PCDHA5: variants seen among roughly 807,000 people sequenced by gnomAD.
The protein encoded by PCDHA5 is protocadherin alpha 5.
Under a neutral mutation model 61.6 loss-of-function variants are expected in PCDHA5, and 43 were observed. The observed-to-expected ratio is 0.70, with a 90% CI of 0.55 to 0.90. The LOEUF (loss-of-function observed/expected upper bound fraction) is 0.90. Ranked by LOEUF, PCDHA5 falls within the 40% of genes least tolerant of loss-of-function variation. The pLI is 0.00. For synonymous variants in PCDHA5, 627 were observed against 543.9 expected, an observed-to-expected ratio of 1.15 and a Z score of -2.13; for missense variants, 1,298 against 1,222.7, an observed-to-expected ratio of 1.06 and a Z score of -0.92.
chr5:140,854,297 T>C (rs1194574834), intron 1 of PCDHA5: 2 of 419,142 alleles, frequency 4.8e-6, no homozygotes, highest in Non-Finnish European at 6.4e-6. Context: ...TATTATTTTG[T>C]GCGTGGAGAT....
intron 1 of PCDHA5, among the ~76,000 whole-genome samples, chr5:140,974,321 T>C (rs2096622495): frequency 6.6e-6 from 1 of 152,226 alleles, no homozygotes; most frequent in Non-Finnish European, 1.5e-5. Context: ...AGAGAGTAGC[T>C]GCTGTGCTAG....
intron 1 of PCDHA5, chr5:140,836,467 A>C (rs1271601760): frequency 6.2e-7 from 1 of 1,613,688 alleles, no homozygotes; most frequent in Non-Finnish European, 8.5e-7. Context: ...GAGCTGGTGG[A>C]TGTCAACGTG....
At chr5:140,941,210 T>TCTTCCTTTCTTTCTTC (rs2092851427) in intron 1 of PCDHA5, among the ~76,000 whole-genome samples, 1 of 100,630 alleles carries the variant, frequency 9.9e-6, no homozygotes, top group South Asian at 2.9e-4. Context: ...TTCCTTTCTT[T>TCTTCCTTTCTTTCTTC]CTTCCTTTCT....
In PCDHA5 at chr5:141,009,984, G is replaced by A. The variant is rs782207623; in HGVS notation, c.*47G>A. 6.3e-7 allele frequency: 1 copy of A among 1,581,532 alleles called. No homozygotes were observed. Among genetic ancestry groups the A allele is most frequent in the Admixed American group, 1.9e-5 (1 of 53,968 alleles). On this transcript the variant is annotated 3_prime_UTR_variant, in exon 4 of 4. Transcript: ENST00000529859. ...CACTTAGCCAGTTTTTGTAATAATG[G>A]CAAATCTCTCCCATGTAGCAATTCC... is the stretch of plus-strand genomic sequence containing the variant.
In PCDHA5 at chr5:140,882,301, G is replaced by A. The variant is rs145574763; in HGVS notation, c.2352+58174G>A. 188 of 1,613,800 alleles carry A rather than the reference G, an allele frequency of 1.2e-4. No homozygotes were observed. In the African/African-American group the frequency reaches 2.1e-3, roughly 18 times the overall value. Reference sequence around the variant, plus strand: ...CTTCCTGGCAAGGAGGCCCAAGACCGCGGCAACTACTGCTCTGGCTTCTGA... The same window carrying A: ...CTTCCTGGCAAGGAGGCCCAAGACCACGGCAACTACTGCTCTGGCTTCTGA... On this transcript the variant is annotated intron_variant, in intron 1 of 3. Coordinates refer to ENST00000529859, the MANE Select transcript of PCDHA5 (RefSeq NM_018908.3).
At chr5:140,938,218 T>C (rs1050033125) in intron 1 of PCDHA5, among the ~76,000 whole-genome samples, 1 of 152,210 alleles carries the variant, frequency 6.6e-6, no homozygotes, top group Admixed American at 6.5e-5. Flanking sequence ...AGTGCTGGGA[T>C]TACAGGCATA....
chr5:140,849,028 T>G lies in PCDHA5; in HGVS notation c.2352+24901T>G, dbSNP rs2040749628. 5.1e-6 allele frequency: 8 copies of G among 1,583,910 alleles called. No homozygotes were observed. The highest frequency in any genetic ancestry group is 1.4e-5 in the African/African-American group (1 of 70,832). Reference sequence around the variant, plus strand: ...TACAGACTGAGCCCCAATGAGTATTTCTTCCTGGACGTGCCAACCAGCAAC... The same window carrying G: ...TACAGACTGAGCCCCAATGAGTATTGCTTCCTGGACGTGCCAACCAGCAAC... On this transcript the variant is annotated intron_variant, in intron 1 of 3. Transcript: ENST00000529859.
At chr5:140,875,884 C>T (rs531777396) in intron 1 of PCDHA5, 2 of 1,614,168 alleles carry the variant, frequency 1.2e-6, no homozygotes, top group South Asian at 2.2e-5. Flanking sequence ...AGAAAGGGAA[C>T]AAAAGGTACC....
chr5:140,961,438 A>G (rs888082906), intron 1 of PCDHA5, among the ~76,000 whole-genome samples: 2 of 152,194 alleles, frequency 1.3e-5, no homozygotes, highest in South Asian at 4.1e-4. Context: ...AAAATCACCT[A>G]ACTACACTGT....
At chr5:140,865,903 A>G (rs2049042220) in intron 1 of PCDHA5, 1 of 152,134 alleles carries the variant, frequency 6.6e-6, no homozygotes, top group Non-Finnish European at 1.5e-5. Flanking sequence ...GTACAGGCAA[A>G]TCTTTCTTTC....
At chr5:140,855,048 A>G (rs2043321235) in intron 1 of PCDHA5, among the ~76,000 whole-genome samples, 1 of 149,960 alleles carries the variant, frequency 6.7e-6, no homozygotes, top group Admixed American at 6.7e-5. Flanking sequence ...CTGTAATAGT[A>G]CTTTTCTGTT....
At chr5:140,940,667 T>A (rs1167360120) in intron 1 of PCDHA5, among the ~76,000 whole-genome samples, 5 of 152,224 alleles carry the variant, frequency 3.3e-5, no homozygotes, top group African/African-American at 1.2e-4. Context: ...TAAATCTTCA[T>A]CTGATAATTC....
intron 1 of PCDHA5, among the ~76,000 whole-genome samples, chr5:140,934,086 G>C (rs540895208): frequency 1.3e-5 from 2 of 151,872 alleles, no homozygotes; most frequent in Admixed American, 1.3e-4. Context: ...TCGCTTTGTT[G>C]TATGTTTGCT....
intron 1 of PCDHA5, chr5:140,877,048 G>C (rs376952553): frequency 1.2e-5 from 19 of 1,612,558 alleles, no homozygotes; most frequent in African/African-American, 2.7e-5. Flanking sequence ...GCTAGACCAC[G>C]AGGAGCTGGA....
chr5:140,894,113 G>C (rs1239376474), intron 1 of PCDHA5, among the ~76,000 whole-genome samples: 1 of 152,072 alleles, frequency 6.6e-6, no homozygotes, highest in Non-Finnish European at 1.5e-5. Context: ...TTGCAGATGA[G>C]AAGTTTCAAA....
intron 1 of PCDHA5, chr5:140,828,109 G>C: frequency 1.2e-6 from 2 of 1,611,506 alleles, no homozygotes; most frequent in East Asian, 4.5e-5. Flanking sequence ...TTACCCCGGA[G>C]GATAGATTGG....
intron 1 of PCDHA5, among the ~76,000 whole-genome samples, chr5:140,910,365 A>G (rs1554194228): frequency 6.6e-6 from 1 of 152,164 alleles, no homozygotes; most frequent in Non-Finnish European, 1.5e-5. Flanking sequence ...TATGGTAGCT[A>G]TGCCCACCTT....
intron 1 of PCDHA5, among the ~76,000 whole-genome samples, chr5:140,939,994 G>A (rs2092519687): frequency 6.6e-6 from 1 of 151,998 alleles, no homozygotes; most frequent in African/African-American, 2.4e-5. Flanking sequence ...TTTCTCCTTG[G>A]ATTTTGTCAA....
intron 1 of PCDHA5, among the ~76,000 whole-genome samples, chr5:140,973,341 C>T (rs1323571061): frequency 6.6e-6 from 1 of 152,124 alleles, no homozygotes; most frequent in African/African-American, 2.4e-5. Flanking sequence ...TGTAAAGTGA[C>T]ATAGTAGTGA....
Sources: allele counts gnomAD v4.1 joint callset (sites outside exome capture counted in the v4.1 genomes callset), GRCh38; gene constraint gnomAD v4.1.1; transcripts MANE v1.5; gene names NCBI Gene and HGNC (gene_info 2026-07-23, HGNC 2026-07-21).